The following OLA1 variants were observed in gnomAD, a reference collection of about 807,000 sequenced individuals.
OLA1 encodes the protein obg-like ATPase 1.
Under a neutral mutation model 48.4 loss-of-function variants are expected in OLA1, and 14 were observed. The ratio of observed to expected loss-of-function variants is 0.29; its 90% CI spans 0.19 to 0.45. The LOEUF is 0.45. Ranked by LOEUF, OLA1 falls within the 20% of genes least tolerant of loss-of-function variation. The pLI, the probability that OLA1 is intolerant of heterozygous loss-of-function variation, is 1.00. For missense variants in OLA1, 325 were observed against 467.1 expected (o/e 0.70, Z 2.80); for synonymous variants, 127 against 150.4 (o/e 0.84, Z 1.14).
chr2:174,083,608 G>A (rs1219918962), intron 7 of OLA1, among the ~76,000 whole-genome samples: 1 of 152,112 alleles, frequency 6.6e-6, no homozygotes, highest in Non-Finnish European at 1.5e-5. Context: ...TGGGGGGACT[G>A]AAATTGGTGC....
chr2:174,073,989 A>T lies in OLA1; in HGVS notation c.*1437T>A, dbSNP rs1684667527. 1 of 152,226 alleles carries T rather than the reference A, an allele frequency of 6.6e-6. No homozygotes were observed. Among genetic ancestry groups the T allele is most frequent in the Admixed American group, 6.5e-5 (1 of 15,278 alleles). 9.4% of individuals were successfully genotyped at this position (152,226 alleles called of 1,614,324 possible). ...GATCACTATTTGATACTAAAAAAAT[A>T]CTCACTGGAGAGCTTCTAAATTATA... On this transcript the variant is annotated 3_prime_UTR_variant, in exon 11 of 11. Coordinates refer to ENST00000284719, the MANE Select transcript of OLA1 (RefSeq NM_013341.5).
intron 4 of OLA1, among the ~76,000 whole-genome samples, chr2:174,169,957 G>A (rs1687256955): frequency 6.6e-6 from 1 of 152,030 alleles, no homozygotes; most frequent in African/African-American, 2.4e-5. Context: ...ATACAACTAT[G>A]GCATAAAAGA....
chr2:174,193,369 C>T (rs1029369328), intron 4 of OLA1, among the ~76,000 whole-genome samples: 17 of 152,242 alleles, frequency 1.1e-4, no homozygotes, highest in East Asian at 3.9e-4. Context: ...GGATTACAGG[C>T]GTGAGCCACT....
At chr2:174,216,276 C>G (rs1688358209) in intron 4 of OLA1, among the ~76,000 whole-genome samples, 1 of 152,012 alleles carries the variant, frequency 6.6e-6, no homozygotes, top group African/African-American at 2.4e-5. Flanking sequence ...GCACTCCAGC[C>G]TGAGCAACAG....
chr2:174,218,777 A>T (rs1397352365), intron 4 of OLA1, among the ~76,000 whole-genome samples: 4 of 152,126 alleles, frequency 2.6e-5, no homozygotes. Flanking sequence ...GGGAGGGGAC[A>T]TTATTTGGGG....
At chr2:174,126,177 A>G (rs1317216021) in intron 5 of OLA1, among the ~76,000 whole-genome samples, 2 of 152,118 alleles carry the variant, frequency 1.3e-5, no homozygotes, top group African/African-American at 4.8e-5. Flanking sequence ...TTATCGGAAA[A>G]ACTTCTAAAC....
At chr2:174,119,472 C>A (rs1025928894) in intron 7 of OLA1, among the ~76,000 whole-genome samples, 2 of 151,976 alleles carry the variant, frequency 1.3e-5, no homozygotes, top group African/African-American at 4.8e-5. Context: ...TATATATGCA[C>A]ACATACAGAA....
chr2:174,207,741 T>G (rs1390132811), intron 4 of OLA1, among the ~76,000 whole-genome samples: 2 of 150,674 alleles, frequency 1.3e-5, no homozygotes, highest in African/African-American at 4.9e-5. Context: ...TAGACTCTTT[T>G]AAGGAAAATA....
chr2:174,116,441 T>A (rs541899196), intron 7 of OLA1, among the ~76,000 whole-genome samples: 2 of 152,318 alleles, frequency 1.3e-5, no homozygotes, highest in South Asian at 2.1e-4. Context: ...AATATAGATA[T>A]GCCAATTCAC....
intron 7 of OLA1, among the ~76,000 whole-genome samples, chr2:174,088,759 C>T (rs1685038764): frequency 6.6e-6 from 1 of 152,050 alleles, no homozygotes; most frequent in Admixed American, 6.6e-5. Context: ...GCCTATAATC[C>T]CAGCACTTTG....
chr2:174,230,475 C>T (rs1335568094), intron 2 of OLA1, among the ~76,000 whole-genome samples: 1 of 152,134 alleles, frequency 6.6e-6, no homozygotes, highest in African/African-American at 2.4e-5. Context: ...CATTCTGCAT[C>T]CCCTAACAAA....
chr2:174,079,243 C>T, intron 9 of OLA1, 153 bp from the exon 10 acceptor site: 2 of 551,574 alleles, frequency 3.6e-6, no homozygotes, highest in South Asian at 6.0e-5. Flanking sequence ...ATTTTCAACA[C>T]TGGGTAGTAT....
chr2:174,117,956 T>C (rs765134971), intron 7 of OLA1, among the ~76,000 whole-genome samples: 1 of 152,108 alleles, frequency 6.6e-6, no homozygotes, highest in Non-Finnish European at 1.5e-5. Context: ...GGGTAATTTA[T>C]AAAGAAAAGA....
At chr2:174,201,510 G>T (rs537673773) in intron 4 of OLA1, among the ~76,000 whole-genome samples, 2 of 152,014 alleles carry the variant, frequency 1.3e-5, no homozygotes, top group African/African-American at 2.4e-5. Flanking sequence ...CACCATGCCC[G>T]GCTGATTTTT....
chr2:174,147,415 G>A (rs992514612), intron 4 of OLA1, among the ~76,000 whole-genome samples: 3 of 151,762 alleles, frequency 2.0e-5, no homozygotes, highest in Middle Eastern at 3.2e-3. Context: ...CAACGAGAGC[G>A]AAACTCCGTC....
rs571296764 is a variant in OLA1 at position 174,096,652 on chromosome 2, C to T, written c.729-14588G>A. ...GATCCTGGGGAAGCCATTTAAGCCT[C>T]CCCAGCCTCAGTTTAATCACATGTA... On this transcript the variant is annotated intron_variant, in intron 7 of 10. Transcript: ENST00000284719. Among the ~76,000 whole-genome samples, 7 of 152,208 alleles carry T rather than the reference C, an allele frequency of 4.6e-5. No individual in the cohort carries two copies. The South Asian group carries it at 1.5e-3, about 32-fold the overall frequency.
chr2:174,217,821 G>T (rs1186790471), intron 4 of OLA1: 1 of 151,952 alleles, frequency 6.6e-6, no homozygotes, highest in African/African-American at 2.4e-5. Flanking sequence ...TAATTATTTT[G>T]AGATTCATCC....
chr2:174,086,135 A>C (rs1329703836), intron 7 of OLA1, among the ~76,000 whole-genome samples: 4 of 152,120 alleles, frequency 2.6e-5, no homozygotes, highest in Admixed American at 2.6e-4. Flanking sequence ...AAGTTTTATT[A>C]ATGTTTTTAG....
At chr2:174,089,182 G>T (rs914091321) in intron 7 of OLA1, among the ~76,000 whole-genome samples, 3 of 152,048 alleles carry the variant, frequency 2.0e-5, no homozygotes, top group African/African-American at 4.8e-5. Context: ...CCAAATGAGT[G>T]AGACCTCATC....
Sources: gnomAD v4.1 joint callset for allele counts (sites outside exome capture counted in the v4.1 genomes callset) on GRCh38, gnomAD v4.1.1 for gene constraint, MANE v1.5 for transcripts, NCBI Gene and HGNC (gene_info 2026-07-23, HGNC 2026-07-21) for gene names.